The following CSNK1G2 variants were observed in gnomAD, a reference collection of about 807,000 sequenced individuals.
CSNK1G2 encodes casein kinase I isoform gamma-2.
Under a neutral mutation model 48.0 loss-of-function variants are expected in CSNK1G2, and 11 were observed. The ratio of observed to expected loss-of-function variants is 0.23; its 90% CI spans 0.14 to 0.38. CSNK1G2 has a LOEUF of 0.38. Among genes scored for constraint, CSNK1G2 ranks in the 10% least tolerant of loss-of-function variants. The pLI, the probability that CSNK1G2 is intolerant of heterozygous loss-of-function variation, is 1.00. For missense variants in CSNK1G2, 446 were observed against 595.5 expected, an observed-to-expected ratio of 0.75 and a Z score of 2.61; for synonymous variants, 337 against 254.1, an observed-to-expected ratio of 1.33 and a Z score of -3.10.
intron 1 of CSNK1G2, among the ~76,000 whole-genome samples, chr19:1,959,506 C>T (rs1179820466): frequency 1.3e-5 from 2 of 148,842 alleles, no homozygotes; most frequent in African/African-American, 5.1e-5. Context: ...CCCCAGCACC[C>T]GCCCCACCTT....
At chr19:1,952,699 G>A (rs980749037) in intron 1 of CSNK1G2, 6 of 255,862 alleles carry the variant, frequency 2.3e-5, no homozygotes, top group African/African-American at 9.5e-5. Flanking sequence ...AGGGTCATGC[G>A]CCTAGCAGGC....
chr19:1,957,527 C>T lies in CSNK1G2; in HGVS notation c.-265-11981C>T, dbSNP rs1360980028. On this transcript the variant is annotated intron_variant, in intron 1 of 11. Transcript: ENST00000255641. This position sits in a 1 kb window ranked among gnomAD's most constrained non-coding sequence, Gnocchi z 5.4. ...GGACAGTGAGCGCAGGCACCTCTCT[C>T]TCCACTTCATGTTTGTCCTCACTGA... 6.6e-6 allele frequency among the ~76,000 whole-genome samples: 1 copy of T among 152,214 alleles called. No homozygotes were observed. The highest frequency in any genetic ancestry group is 1.5e-5 in the Non-Finnish European group (1 of 68,030).
chr19:1,946,538 G>A lies in CSNK1G2; in HGVS notation c.-266+5120G>A, dbSNP rs866373423. Among the ~76,000 whole-genome samples, 233 of 150,842 alleles carry A rather than the reference G, an allele frequency of 1.5e-3. 1 individual carries two copies. Among genetic ancestry groups the A allele is most frequent in the African/African-American group, 4.8e-3 (196 of 41,186 alleles). On this transcript the variant is annotated intron_variant, in intron 1 of 11. Coordinates refer to ENST00000255641, the MANE Select transcript of CSNK1G2 (RefSeq NM_001319.7). ...GATCTCCTGACCTCGTGATCTGCCC[G>A]CCTCGGCCTCCCAAAGTGCTGGGAT...
Position 1,978,217 on chromosome 19 carries a change from C to T in CSNK1G2, c.188-88C>T, listed in dbSNP as rs2015826831. ...TGGAGGGTGGTCCTTCAGGGACCCC[C>T]TCCTGCCTCCTGCCTCGGGGGTGGG... On this transcript the variant is annotated intron_variant, in intron 2 of 11. Transcript: ENST00000255641. The surrounding 1 kb of genome is among the most constrained non-coding windows in gnomAD (Gnocchi z 7.3). 8 of 1,404,912 alleles carry T rather than the reference C, an allele frequency of 5.7e-6. No individual in the cohort carries two copies. Among genetic ancestry groups the T allele is most frequent in the African/African-American group, 1.4e-5 (1 of 70,006 alleles). 87.0% of individuals were successfully genotyped at this position (1,404,912 alleles called of 1,614,324 possible). A position where few individuals can be genotyped will look rare whatever the true frequency, so the allele number is the denominator to read the frequency against.
rs1365593181 is a variant in CSNK1G2, at chr19:1,979,660, C to T, written c.1002+17C>T. The stretch of plus-strand genomic sequence containing the variant: ...AAGCCCCTGGTAGGTGGGGGGGTGC[C>T]GGTATGTGGGAGCGGGGGACCGGGA... On this transcript the variant is annotated intron_variant, in intron 9 of 11. Coordinates refer to ENST00000255641, the MANE Select transcript of CSNK1G2 (RefSeq NM_001319.7). 24 of 1,601,860 alleles carry T rather than the reference C, an allele frequency of 1.5e-5. No homozygotes were observed. Among genetic ancestry groups the T allele is most frequent in the South Asian group, 9.9e-5 (9 of 91,060 alleles).
At chr19:1,960,725 C>G (rs1445698452) in intron 1 of CSNK1G2, among the ~76,000 whole-genome samples, 8 of 152,158 alleles carry the variant, frequency 5.3e-5, no homozygotes, top group Middle Eastern at 3.4e-3. Flanking sequence ...TTGTCTCTAC[C>G]AGAAATATCA....
intron 1 of CSNK1G2, among the ~76,000 whole-genome samples, chr19:1,965,968 G>A (rs1235674244): frequency 6.6e-6 from 1 of 151,834 alleles, no homozygotes; most frequent in Non-Finnish European, 1.5e-5. Flanking sequence ...GGCTAATTTT[G>A]TTTTTATTTT....
chr19:1,943,713 GGGAC>G (rs1436019587), intron 1 of CSNK1G2, among the ~76,000 whole-genome samples: 1 of 152,224 alleles, frequency 6.6e-6, no homozygotes, highest in South Asian at 2.1e-4. Flanking sequence ...CAGAGCCACT[GGGAC>G]GGACGGAAGC....
chr19:1,966,969 C>T (rs2015383231), intron 1 of CSNK1G2, among the ~76,000 whole-genome samples: 1 of 152,098 alleles, frequency 6.6e-6, no homozygotes, highest in African/African-American at 2.4e-5. Context: ...CTCCTGGGCT[C>T]AAACGATCCT....
In CSNK1G2 at chr19:1,978,566, G is replaced by A; in HGVS notation, c.299-36G>A. 6.4e-7 allele frequency: 1 copy of A among 1,570,892 alleles called. No individual in the cohort carries two copies. The highest frequency in any genetic ancestry group is 1.3e-5 in the African/African-American group (1 of 74,098). ...GCTGCGCAGGGGCAGGGAGGGGGCT[G>A]CCGCCGCACGCCCGTGCGTCTGTCC... On this transcript the variant is annotated intron_variant, in intron 4 of 11. Coordinates refer to ENST00000255641, the MANE Select transcript of CSNK1G2 (RefSeq NM_001319.7). This position sits in a 1 kb window ranked among gnomAD's most constrained non-coding sequence, Gnocchi z 7.3.
chr19:1,961,066 C>T lies in CSNK1G2; in HGVS notation c.-265-8442C>T, dbSNP rs912831581. 5.9e-5 allele frequency among the ~76,000 whole-genome samples: 9 copies of T among 152,346 alleles called. 1 individual carries two copies. The East Asian group carries it at 1.5e-3, about 26-fold the overall frequency. On this transcript the variant is annotated intron_variant, in intron 1 of 11. Transcript: ENST00000255641. The stretch of plus-strand genomic sequence containing the variant: ...GCTCCGGTTTCCTCTCCTGTGGATG[C>T]GTCGCCCCCGCATGGTGGTCCTCTG...
chr19:1,973,042 C>T (rs2015626693), intron 2 of CSNK1G2, among the ~76,000 whole-genome samples: 3 of 151,562 alleles, frequency 2.0e-5, no homozygotes, highest in Non-Finnish European at 4.4e-5. Flanking sequence ...ATTCTCCTGC[C>T]TCAGTCTCCC....
intron 2 of CSNK1G2, among the ~76,000 whole-genome samples, chr19:1,972,176 C>T (rs191564550): frequency 4.0e-4 from 61 of 152,314 alleles, no homozygotes; most frequent in African/African-American, 1.2e-3. Flanking sequence ...TCAGGGGTGC[C>T]GGGAGGCCGT....
At position 1,975,362 on chromosome 19, in the gene CSNK1G2, C is replaced by T. The variant is rs997337063; in HGVS notation, c.188-2943C>T. 6.1e-6 allele frequency: 6 copies of T among 985,360 alleles called. No homozygotes were observed. The African/African-American group carries it at 8.7e-5, about 14-fold the overall frequency. 61.0% of individuals were successfully genotyped at this position (985,360 alleles called of 1,614,324 possible). A position where few individuals can be genotyped will look rare whatever the true frequency, so the allele number is the denominator to read the frequency against. Reference sequence around the variant, plus strand: ...GCAGCTCAGTGCTTGGTGGTCAGCACGTGACTGACACTTTGCCGGAGAAGG... The same window carrying T: ...GCAGCTCAGTGCTTGGTGGTCAGCATGTGACTGACACTTTGCCGGAGAAGG... On this transcript the variant is annotated intron_variant, in intron 2 of 11. Coordinates refer to ENST00000255641, the MANE Select transcript of CSNK1G2 (RefSeq NM_001319.7).
At chr19:1,954,231 G>T in intron 1 of CSNK1G2, 2 of 337,862 alleles carry the variant, frequency 5.9e-6, no homozygotes, top group Non-Finnish European at 1.2e-5. Flanking sequence ...TCTGCCCTGC[G>T]TCACTGGGCT....
chr19:1,979,559 C>G lies in CSNK1G2; in HGVS notation c.918C>G (p.Asp306Glu). The G allele has an allele frequency of 6.2e-7, 1 of 1,609,186 alleles. No individual in the cohort carries two copies. Among genetic ancestry groups the G allele is most frequent in the Non-Finnish European group, 8.5e-7 (1 of 1,179,854 alleles). ...ACTTCTTCGAGAAGCCCGACTATGA[C>G]TACCTGCGGAAGCTCTTCACCGACC... The part of the protein sequence containing the change: ...RLDFFEKPDY[D>E]YLRKLFTDLF... The change falls in exon 9 of 12, where the codon GAC becomes GAG. Residue 306 changes from aspartate to glutamate, a missense_variant. Asp to Glu is a conservative substitution (Grantham distance 45). This residue lies in a region of CSNK1G2 where 188 missense variants were observed against 179.6 expected (regional missense o/e 1.05). Transcript: ENST00000255641.
At chr19:1,955,390 C>T (rs1205999251) in intron 1 of CSNK1G2, among the ~76,000 whole-genome samples, 1 of 151,932 alleles carries the variant, frequency 6.6e-6, no homozygotes, top group African/African-American at 2.4e-5. Flanking sequence ...TAGCGGCCAC[C>T]GTGGGCGGCA....
chr19:1,955,336 AGGC>A (rs997572705), intron 1 of CSNK1G2, among the ~76,000 whole-genome samples: 15 of 152,128 alleles, frequency 9.9e-5, no homozygotes, highest in Admixed American at 1.3e-4. Context: ...CCTCAGGCGC[AGGC>A]GGTGACTCTC....
chr19:1,944,640 G>A (rs1294591211), intron 1 of CSNK1G2, among the ~76,000 whole-genome samples: 3 of 151,844 alleles, frequency 2.0e-5, no homozygotes, highest in African/African-American at 4.8e-5. Flanking sequence ...TGACTGGCAC[G>A]TGGGTGCAGC....
Sources: allele counts gnomAD v4.1 joint callset (sites outside exome capture counted in the v4.1 genomes callset), GRCh38; gene constraint gnomAD v4.1.1; regional missense constraint gnomAD v4.1.1; non-coding constraint Gnocchi (gnomAD v3.1); transcripts MANE v1.5; gene names NCBI Gene and HGNC (gene_info 2026-07-23, HGNC 2026-07-21).